Variants in ERICH5 observed in about 807,000 individuals in gnomAD.
The protein encoded by ERICH5 is glutamate-rich protein 5.
ERICH5 carries 24 observed loss-of-function variants against 28.0 expected under a neutral mutation model. That is an observed-to-expected ratio of 0.86 (90% CI 0.62 to 1.21). The LOEUF is 1.21. Among genes scored for constraint, ERICH5 ranks in the 50% most tolerant of loss-of-function variants. The pLI, the probability that ERICH5 is intolerant of heterozygous loss-of-function variation, is 0.00. For missense variants in ERICH5, 421 were observed against 441.2 expected (o/e 0.95, Z 0.41); for synonymous variants, 163 against 157.6 (o/e 1.03, Z -0.25).
Position 98,089,185 on chromosome 8 carries a change from G to A in ERICH5, c.168G>A (p.Arg56=), listed in dbSNP as rs776700554. The A allele has an allele frequency of 2.5e-6, 4 of 1,614,164 alleles. No individual in the cohort carries two copies. In the South Asian group the frequency reaches 4.4e-5, roughly 18 times the overall value. ...CTACTGTTGATGGCAATGTACAAAG[G>A]GAAAGCCGTCCTCCCTTACAAAAGC... is the stretch of plus-strand genomic sequence containing the variant. The part of the protein sequence containing the change: ...RESTVDGNVQ[R]ESRPPLQKLK... The change falls in exon 2 of 3, where the codon AGG becomes AGA. Residue 56 remains arginine, a synonymous_variant. Coordinates refer to ENST00000318528, the MANE Select transcript of ERICH5 (RefSeq NM_173549.3).
rs1815438544 is a variant in ERICH5 at position 98,093,207 on chromosome 8, G to T, written c.1013-14G>T. 1.3e-6 allele frequency: 2 copies of T among 1,563,348 alleles called. No homozygotes were observed. The highest frequency in any genetic ancestry group is 1.4e-5 in the African/African-American group (1 of 73,676). On this transcript the variant is annotated splice_polypyrimidine_tract_variant and intron_variant, in intron 2 of 2. Transcript: ENST00000318528. The stretch of plus-strand genomic sequence containing the variant: ...ATAAATGTCTCTTAGTATCTCCTTT[G>T]GTTACTTTTCCAGGTGAGACAGGGG...
chr8:98,077,094 C>T (rs2130517782), intron 1 of ERICH5, among the ~76,000 whole-genome samples: 1 of 132,770 alleles, frequency 7.5e-6, no homozygotes, highest in East Asian at 3.0e-4. Context: ...GAGGCCCTGT[C>T]TCTATTAAAA....
intron 2 of ERICH5, among the ~76,000 whole-genome samples, chr8:98,091,900 C>CTTTCTTCCTTCCTTT: frequency 4.0e-5 from 3 of 74,676 alleles, no homozygotes; most frequent in African/African-American, 1.7e-4. Context: ...TTCTTTCTTT[C>CTTTCTTCCTTCCTTT]CTTTCTTTCT....
intron 1 of ERICH5, among the ~76,000 whole-genome samples, chr8:98,081,124 G>A (rs1258819163): frequency 6.8e-6 from 1 of 146,964 alleles, no homozygotes; most frequent in East Asian, 2.0e-4. Flanking sequence ...CTTTTTTCTT[G>A]AAACAGGGTC....
chr8:98,064,740 C>A lies in ERICH5; in HGVS notation c.58+13C>A, dbSNP rs977951747. 1.2e-5 allele frequency: 19 copies of A among 1,523,960 alleles called. No individual in the cohort carries two copies. In the African/African-American group the frequency reaches 2.3e-4, roughly 19 times the overall value. 94.4% of individuals were successfully genotyped at this position (1,523,960 alleles called of 1,614,324 possible). On this transcript the variant is annotated intron_variant, in intron 1 of 2. Coordinates refer to ENST00000318528, the MANE Select transcript of ERICH5 (RefSeq NM_173549.3). The stretch of plus-strand genomic sequence containing the variant: ...AGGTTCCCCAGCGGTGAGCAGGGTA[C>A]CGGCGCCGCCCGCGCCCGGGCTGGG...
intron 1 of ERICH5, among the ~76,000 whole-genome samples, chr8:98,072,936 A>G (rs1586198908): frequency 8.0e-6 from 1 of 125,268 alleles, no homozygotes. Context: ...GATATAAACC[A>G]CAGAGTTTCT....
chr8:98,078,807 G>A (rs1815110467), intron 1 of ERICH5, among the ~76,000 whole-genome samples: 1 of 152,224 alleles, frequency 6.6e-6, no homozygotes, highest in Non-Finnish European at 1.5e-5. Context: ...GAAATGTGGA[G>A]TTCAGAAAAC....
At chr8:98,064,811 G>T (rs1188409917) in intron 1 of ERICH5, 84 bp downstream of exon 1, 2 of 1,124,286 alleles carry the variant, frequency 1.8e-6, no homozygotes, top group Non-Finnish European at 2.4e-6. Context: ...GGTGTGTCCC[G>T]TGGCCACCCC....
chr8:98,077,648 G>A (rs750501520), intron 1 of ERICH5, among the ~76,000 whole-genome samples: 3 of 152,150 alleles, frequency 2.0e-5, no homozygotes, highest in African/African-American at 7.2e-5. Flanking sequence ...CTAGGCAGGC[G>A]TCCACATCTC....
At chr8:98,092,023 C>CTTCCTTCCTTCCTTCCTTCCTTCCTTCA (rs1338459588) in intron 2 of ERICH5, among the ~76,000 whole-genome samples, 1 of 144,056 alleles carries the variant, frequency 6.9e-6, no homozygotes, top group African/African-American at 2.6e-5. Flanking sequence ...TCCTTCCTTC[C>CTTCCTTCCTTCCTTCCTTCCTTCCTTCA]TTTCGAGACA....
intron 1 of ERICH5, among the ~76,000 whole-genome samples, chr8:98,069,206 T>C (rs1358044417): frequency 7.9e-5 from 12 of 152,214 alleles, no homozygotes; most frequent in Non-Finnish European, 1.6e-4. Context: ...TATGTCTTTG[T>C]GATAGGCCTG....
At chr8:98,066,908 A>G (rs1814829577) in intron 1 of ERICH5, among the ~76,000 whole-genome samples, 1 of 152,190 alleles carries the variant, frequency 6.6e-6, no homozygotes, top group Non-Finnish European at 1.5e-5. Context: ...TTTTAGACAA[A>G]AACAGTTCAA....
chr8:98,079,796 T>C (rs1815141381), intron 1 of ERICH5, among the ~76,000 whole-genome samples: 1 of 152,212 alleles, frequency 6.6e-6, no homozygotes, highest in African/African-American at 2.4e-5. Flanking sequence ...TGCCTTAGCC[T>C]CCCAAAGTGC....
At chr8:98,091,689 A>G (rs1218480525) in intron 2 of ERICH5, among the ~76,000 whole-genome samples, 3 of 152,220 alleles carry the variant, frequency 2.0e-5, no homozygotes, top group South Asian at 2.1e-4. Context: ...AGTGTGTGCA[A>G]TGTCCAGACT....
intron 1 of ERICH5, among the ~76,000 whole-genome samples, chr8:98,082,105 A>T (rs369374187): frequency 2.0e-5 from 3 of 152,250 alleles, no homozygotes; most frequent in African/African-American, 7.2e-5. Context: ...TTTAGAGTGC[A>T]ATTAATCAAT....
At chr8:98,086,787 A>T (rs1815289043) in intron 1 of ERICH5, among the ~76,000 whole-genome samples, 1 of 151,942 alleles carries the variant, frequency 6.6e-6, no homozygotes, top group Admixed American at 6.6e-5. Flanking sequence ...CATCTCTACT[A>T]AAAATACAAA....
chr8:98,091,912 T>C (rs866525803), intron 2 of ERICH5, among the ~76,000 whole-genome samples: 63 of 96,294 alleles, frequency 6.5e-4, no homozygotes, highest in African/African-American at 2.7e-3. Flanking sequence ...TTTCTTTCTT[T>C]CTTTCTTCCT....
intron 1 of ERICH5, among the ~76,000 whole-genome samples, chr8:98,086,586 C>T (rs1186160070): frequency 1.3e-5 from 2 of 152,156 alleles, no homozygotes; most frequent in South Asian, 4.1e-4. Flanking sequence ...TACAGACATA[C>T]ATTTGGATAT....
rs1178182339 is a variant in ERICH5 at position 98,073,430 on chromosome 8, CTCTA to C, written c.58+8705_58+8708del. Reference sequence around the variant, plus strand: ...TCTCTCTCTCTCTCTCTCTCTCTCTCTCTATATATATATATATATATATATATAT... The same window carrying C: ...TCTCTCTCTCTCTCTCTCTCTCTCTCTATATATATATATATATATATATAT... On this transcript the variant is annotated intron_variant, in intron 1 of 2. Coordinates refer to ENST00000318528, the MANE Select transcript of ERICH5 (RefSeq NM_173549.3). Among the ~76,000 whole-genome samples, 131 of 18,306 alleles carry C rather than the reference CTCTA, an allele frequency of 7.2e-3. 14 individuals are homozygous for C. Among genetic ancestry groups the C allele is most frequent in the South Asian group, 0.033 (6 of 184 alleles). The allele number at this position is 18,306 out of a possible 152,430, so 12.0% of individuals were successfully genotyped here.
Sources: allele counts gnomAD v4.1 joint callset (sites outside exome capture counted in the v4.1 genomes callset), GRCh38; gene constraint gnomAD v4.1.1; transcripts MANE v1.5; gene names NCBI Gene and HGNC (gene_info 2026-07-23, HGNC 2026-07-21).